SEMA4D: variants seen among roughly 807,000 people sequenced by gnomAD.
SEMA4D encodes the protein semaphorin 4D.
In SEMA4D, 22 loss-of-function variants were observed where a neutral mutation model predicts 74.8. The observed-to-expected ratio is 0.29, with a 90% CI of 0.21 to 0.42. The LOEUF is 0.42. Among genes scored for constraint, SEMA4D ranks in the 10% least tolerant of loss-of-function variants. The pLI is 1.00. For missense variants in SEMA4D, 937 were observed against 1,118.4 expected, an observed-to-expected ratio of 0.84 and a Z score of 2.31; for synonymous variants, 445 against 463.7, an observed-to-expected ratio of 0.96 and a Z score of 0.52.
At chr9:89,461,772 G>A (rs1027636555) in intron 1 of SEMA4D, among the ~76,000 whole-genome samples, 8 of 143,430 alleles carry the variant, frequency 5.6e-5, no homozygotes, top group East Asian at 2.0e-4. Flanking sequence ...GTGCGATCTC[G>A]GCTCACTGGA....
At chr9:89,479,863 G>A (rs1478494773) in intron 1 of SEMA4D, 2 of 152,768 alleles carry the variant, frequency 1.3e-5, no homozygotes, top group South Asian at 2.0e-4. Context: ...AGCTTCCACA[G>A]TGTGGAAGGG....
At chr9:89,462,985 A>AGGGGAGCGAGCGAGGGGAGGGGAGCGAGC in intron 1 of SEMA4D, among the ~76,000 whole-genome samples, 1 of 122,882 alleles carries the variant, frequency 8.1e-6, no homozygotes, top group Admixed American at 8.2e-5. Context: ...GGAGCGAGGG[A>AGGGGAGCGAGCGAGGGGAGGGGAGCGAGC]GAAAGAGAGG....
Position 89,381,396 on chromosome 9 carries a change from G to C in SEMA4D, c.1447-50C>G. 2 of 1,437,784 alleles carry C rather than the reference G, an allele frequency of 1.4e-6. No homozygotes were observed. Among genetic ancestry groups the C allele is most frequent in the South Asian group, 1.5e-5 (1 of 67,454 alleles). 89.1% of individuals were successfully genotyped at this position (1,437,784 alleles called of 1,614,324 possible). On this transcript the variant is annotated intron_variant, in intron 13 of 15. Coordinates refer to ENST00000422704, the MANE Select transcript of SEMA4D (RefSeq NM_001371194.2). The surrounding 1 kb of genome is among the most constrained non-coding windows in gnomAD (Gnocchi z 4.6). ...CTAGCATCAGGCAAGCAGGCATCCA[G>C]GAGCATGGCCTCTGCTTCTGCACCA...
At chr9:89,416,392 C>G (rs796116179) in intron 2 of SEMA4D, among the ~76,000 whole-genome samples, 5 of 152,328 alleles carry the variant, frequency 3.3e-5, no homozygotes, top group African/African-American at 1.2e-4. Context: ...AACACCATTA[C>G]AAAGACTAAA....
intron 16 of SEMA4D, among the ~76,000 whole-genome samples, chr9:89,371,943 T>TGG (rs1834998357): frequency 2.3e-5 from 3 of 130,436 alleles, no homozygotes; most frequent in Admixed American, 7.8e-5. Context: ...TGGGGTGTGG[T>TGG]GTGTGTGGGG....
At chr9:89,362,395 C>G in exon 19 of SEMA4D, 3 of 1,614,090 alleles carry the variant, frequency 1.9e-6, no homozygotes, top group Non-Finnish European at 2.5e-6. Flanking sequence ...GGACTCCTTC[C>G]TGGTGGCTAC....
chr9:89,369,553 A>G (rs1267723040), intron 16 of SEMA4D: 3 of 151,890 alleles, frequency 2.0e-5, no homozygotes, highest in African/African-American at 7.3e-5. Context: ...CTAATGTACA[A>G]GTGCATGATT....
downstream of SEMA4D, chr9:89,376,694 C>A: frequency 1.6e-6 from 2 of 1,280,968 alleles, no homozygotes; most frequent in Non-Finnish European, 1.1e-6. Flanking sequence ...TGAAACGGCT[C>A]AACCCGAGGG....
chr9:89,427,219 C>T (rs1395557298), intron 2 of SEMA4D, among the ~76,000 whole-genome samples: 1 of 152,172 alleles, frequency 6.6e-6, no homozygotes, highest in African/African-American at 2.4e-5. Context: ...CAGATGCTTC[C>T]AGCCCAAGTA....
At chr9:89,468,168 C>G (rs1054404270) in intron 1 of SEMA4D, among the ~76,000 whole-genome samples, 3 of 152,234 alleles carry the variant, frequency 2.0e-5, no homozygotes, top group Admixed American at 2.0e-4. Context: ...TCCACTCCAC[C>G]TGCAACAGGT....
intron 1 of SEMA4D, among the ~76,000 whole-genome samples, chr9:89,497,623 G>A (rs1826135927): frequency 6.6e-6 from 1 of 151,710 alleles, no homozygotes; most frequent in South Asian, 2.1e-4. Flanking sequence ...GACTGGGGAG[G>A]CAACCGGGAA....
At chr9:89,489,929 T>A (rs1825493319) in intron 1 of SEMA4D, among the ~76,000 whole-genome samples, 1 of 152,220 alleles carries the variant, frequency 6.6e-6, no homozygotes, top group Non-Finnish European at 1.5e-5. Context: ...CTCCAAACTT[T>A]TTTCCAAAAC....
At position 89,496,862 on chromosome 9, in the gene SEMA4D, C is replaced by T. The variant is rs565480744; in HGVS notation, c.-310+1057G>A. 5.3e-5 allele frequency among the ~76,000 whole-genome samples: 8 copies of T among 152,342 alleles called. No homozygotes were observed. In the East Asian group the frequency reaches 1.2e-3, roughly 22 times the overall value. On this transcript the variant is annotated intron_variant, in intron 1 of 15. Transcript: ENST00000422704. ...AGGAAAGGAAACTTCCGTTCCGTGG[C>T]GCCTGGTGGATTTGAAAAGACTCAG...
chr9:89,490,430 T>C (rs758226716), intron 1 of SEMA4D, among the ~76,000 whole-genome samples: 5 of 152,248 alleles, frequency 3.3e-5, no homozygotes, highest in Non-Finnish European at 4.4e-5. Context: ...TTTACAATGG[T>C]GTGAAAGCCA....
At chr9:89,459,569 T>C (rs1856768989) in intron 1 of SEMA4D, among the ~76,000 whole-genome samples, 1 of 152,088 alleles carries the variant, frequency 6.6e-6, no homozygotes, top group African/African-American at 2.4e-5. Flanking sequence ...GAGGGTCTTA[T>C]CCTCCTGGAG....
rs750786435 is a variant in SEMA4D, at chr9:89,381,233, G to A, written c.1560C>T (p.Cys520=). The change falls in exon 14 of 16, where the codon TGC becomes TGT. Residue 520 remains cysteine, a synonymous_variant. Transcript: ENST00000422704. This position sits in a 1 kb window ranked among gnomAD's most constrained non-coding sequence, Gnocchi z 4.6. ...EDCVLARDPY[C]AWSPPTATCV... ...AGGTCGCTGTGGGCGGGCTCCAGGC[G>A]CAGTAGGGGTCCCGCGCCAGCACAC... 2.6e-5 allele frequency: 41 copies of A among 1,606,388 alleles called. No homozygotes were observed. Among genetic ancestry groups the A allele is most frequent in the East Asian group, 6.7e-5 (3 of 44,660 alleles).
chr9:89,426,091 G>A (rs1459581750), intron 2 of SEMA4D, among the ~76,000 whole-genome samples: 1 of 152,206 alleles, frequency 6.6e-6, no homozygotes, highest in Non-Finnish European at 1.5e-5. Flanking sequence ...GTGTCCGCAG[G>A]GGGAGCGCAT....
At chr9:89,495,888 T>C (rs1201443548) in intron 1 of SEMA4D, among the ~76,000 whole-genome samples, 1 of 146,186 alleles carries the variant, frequency 6.8e-6, no homozygotes, top group Non-Finnish European at 1.5e-5. Flanking sequence ...GAGAAAACCA[T>C]TGATCTTTGC....
chr9:89,385,461 C>T, intron 13 of SEMA4D: 1 of 985,416 alleles, frequency 1.0e-6, no homozygotes, highest in Non-Finnish European at 1.2e-6. Flanking sequence ...GTCGACCCTT[C>T]AAATCTCCAG....
Sources: gnomAD v4.1 joint callset for allele counts (sites outside exome capture counted in the v4.1 genomes callset) on GRCh38, gnomAD v4.1.1 for gene constraint, Gnocchi (gnomAD v3.1) non-coding constraint, MANE v1.5 for transcripts, NCBI Gene and HGNC (gene_info 2026-07-23, HGNC 2026-07-21) for gene names.